FBXL17: variants seen among roughly 807,000 people sequenced by gnomAD.
The protein encoded by FBXL17 is F-box and leucine rich repeat protein 17, also known as F-box/LRR-repeat protein 17.
FBXL17 carries 22 observed loss-of-function variants against 66.2 expected under a neutral mutation model. The observed-to-expected ratio is 0.33, with a 90% CI of 0.24 to 0.47. FBXL17 has a LOEUF of 0.47. Ranked by LOEUF, FBXL17 falls within the 20% of genes least tolerant of loss-of-function variation. FBXL17 has a pLI of 1.00. For synonymous variants in FBXL17, 474 were observed against 400.5 expected (o/e 1.18, Z -2.19); for missense variants, 878 against 948.2 (o/e 0.93, Z 0.97).
chr5:108,040,566 AT>A (rs779170690), intron 6 of FBXL17, among the ~76,000 whole-genome samples: 14 of 152,164 alleles, frequency 9.2e-5, no homozygotes, highest in Non-Finnish European at 1.9e-4. Context: ...GACGATATAT[AT>A]TTTCCCTGAC....
intron 7 of FBXL17, among the ~76,000 whole-genome samples, chr5:107,912,713 A>T (rs1749992560): frequency 6.6e-6 from 1 of 152,158 alleles, no homozygotes; most frequent in Admixed American, 6.6e-5. Context: ...GAGGATTAGG[A>T]GGGAGACTGG....
chr5:108,193,672 G>A (rs770434073), intron 5 of FBXL17, among the ~76,000 whole-genome samples: 7 of 152,098 alleles, frequency 4.6e-5, no homozygotes, highest in Non-Finnish European at 7.4e-5. Flanking sequence ...CAGCATCTGA[G>A]GGTAGAACTG....
chr5:108,356,580 A>G (rs1472807532), intron 3 of FBXL17, among the ~76,000 whole-genome samples: 3 of 152,146 alleles, frequency 2.0e-5, no homozygotes, highest in Non-Finnish European at 4.4e-5. Context: ...AAGGGGTTAC[A>G]TACTATATGA....
chr5:108,171,110 C>G (rs1326080239), intron 6 of FBXL17, among the ~76,000 whole-genome samples: 1 of 152,126 alleles, frequency 6.6e-6, no homozygotes, highest in Non-Finnish European at 1.5e-5. Flanking sequence ...TGAAGAGGTG[C>G]CTTTTTCTCC....
At chr5:107,953,916 C>A (rs998637751) in intron 7 of FBXL17, among the ~76,000 whole-genome samples, 2 of 152,120 alleles carry the variant, frequency 1.3e-5, no homozygotes, top group Non-Finnish European at 2.9e-5. Context: ...TTGAATCCAC[C>A]AATTATTTTG....
chr5:108,273,543 A>G lies in FBXL17; in HGVS notation c.1507-49315T>C, dbSNP rs867500517. Among the ~76,000 whole-genome samples, 5 of 151,816 alleles carry G rather than the reference A, an allele frequency of 3.3e-5. No individual in the cohort carries two copies. The South Asian group carries it at 1.0e-3, about 31-fold the overall frequency. On this transcript the variant is annotated intron_variant, in intron 4 of 8. Coordinates refer to ENST00000542267, the MANE Select transcript of FBXL17 (RefSeq NM_001163315.3). Reference sequence around the variant, plus strand: ...TCAGTTACTATGCAGCTACCATAAAAATTCTTTTTATCAAAATTTGTACAA... The same window carrying G: ...TCAGTTACTATGCAGCTACCATAAAGATTCTTTTTATCAAAATTTGTACAA...
chr5:108,248,707 C>T (rs1338212039), intron 4 of FBXL17, among the ~76,000 whole-genome samples: 1 of 152,082 alleles, frequency 6.6e-6, no homozygotes, highest in Admixed American at 6.6e-5. Flanking sequence ...GCAGTAAGAT[C>T]TCTCTACAAC....
intron 5 of FBXL17, among the ~76,000 whole-genome samples, chr5:108,204,887 AC>A (rs1754050675): frequency 6.6e-6 from 1 of 151,962 alleles, no homozygotes; most frequent in Non-Finnish European, 1.5e-5. Context: ...ATGTCTTAAA[AC>A]CTAGCTCGAT....
At chr5:108,009,723 A>C (rs1754105131) in intron 7 of FBXL17, among the ~76,000 whole-genome samples, 2 of 152,142 alleles carry the variant, frequency 1.3e-5, no homozygotes, top group Admixed American at 6.5e-5. Flanking sequence ...AGTAAGTTTG[A>C]TTTACTTAAT....
At position 107,861,227 on chromosome 5, in the gene FBXL17, G is replaced by C. The variant is rs1299110539; in HGVS notation, c.*493C>G. ...GGCTTCTCTGTCAGGAAACGATCTA[G>C]AGTAGATCAGAGCCCTGGTGTAGAT... On this transcript the variant is annotated 3_prime_UTR_variant, in exon 9 of 9. Coordinates refer to ENST00000542267, the MANE Select transcript of FBXL17 (RefSeq NM_001163315.3). 1 of 152,214 alleles carries C rather than the reference G, an allele frequency of 6.6e-6. No individual in the cohort carries two copies. Among genetic ancestry groups the C allele is most frequent in the Non-Finnish European group, 1.5e-5 (1 of 68,080 alleles). The allele number at this position is 152,214 out of a possible 1,614,324, so 9.4% of individuals were successfully genotyped here. A position where few individuals can be genotyped will look rare whatever the true frequency, so the allele number is the denominator to read the frequency against.
At chr5:108,314,485 A>G (rs1759265815) in intron 4 of FBXL17, among the ~76,000 whole-genome samples, 1 of 151,684 alleles carries the variant, frequency 6.6e-6, no homozygotes, top group Admixed American at 6.6e-5. Flanking sequence ...TTTCATTCAT[A>G]TGGTTGCCAT....
intron 4 of FBXL17, among the ~76,000 whole-genome samples, chr5:108,285,122 T>C (rs1271134181): frequency 1.3e-5 from 2 of 151,924 alleles, no homozygotes; most frequent in African/African-American, 4.8e-5. Context: ...TGCATATCCA[T>C]AAGAAGTTTG....
At chr5:108,136,171 T>C (rs549581682) in intron 6 of FBXL17, among the ~76,000 whole-genome samples, 2 of 152,236 alleles carry the variant, frequency 1.3e-5, no homozygotes, top group South Asian at 4.1e-4. Context: ...GTCAAATCTT[T>C]TAGATTTGGA....
intron 4 of FBXL17, among the ~76,000 whole-genome samples, chr5:108,258,933 C>T (rs139583246): frequency 1.3e-5 from 2 of 151,908 alleles, no homozygotes; most frequent in East Asian, 1.9e-4. Context: ...TAAAGCTAGA[C>T]ATAATAAAAG....
chr5:107,954,912 T>A lies in FBXL17; in HGVS notation c.1822+66013A>T, dbSNP rs182507884. Among the ~76,000 whole-genome samples the A allele has an allele frequency of 3.1e-3, 477 of 152,296 alleles. 5 individuals carry two copies. Among genetic ancestry groups the A allele is most frequent in the Middle Eastern group, 0.017 (5 of 294 alleles). On this transcript the variant is annotated intron_variant, in intron 7 of 8. Coordinates refer to ENST00000542267, the MANE Select transcript of FBXL17 (RefSeq NM_001163315.3). The stretch of plus-strand genomic sequence containing the variant: ...AAAATTTCTATTTTGATATTAAACA[T>A]GCTCATAAAGCCAGAGATTTACTTC...
At chr5:107,862,637 T>C (rs930776944) in intron 8 of FBXL17, among the ~76,000 whole-genome samples, 11 of 152,238 alleles carry the variant, frequency 7.2e-5, no homozygotes, top group African/African-American at 2.4e-4. Flanking sequence ...ACCACAACTT[T>C]TAGGTAGCTT....
At chr5:108,206,118 C>A (rs1754107191) in intron 5 of FBXL17, among the ~76,000 whole-genome samples, 1 of 152,092 alleles carries the variant, frequency 6.6e-6, no homozygotes, top group Admixed American at 6.5e-5. Flanking sequence ...TGATGATGAT[C>A]ATTGCCTCGG....
In FBXL17 at chr5:107,980,248, A is replaced by G. The variant is rs545387704; in HGVS notation, c.1822+40677T>C. Among the ~76,000 whole-genome samples the G allele has an allele frequency of 2.7e-4, 41 of 152,254 alleles. 1 individual carries two copies. The highest frequency in any genetic ancestry group is 4.3e-4 in the Non-Finnish European group (29 of 68,012). ...AAAATCTTATTATGAACAAAATGAT[A>G]AAAGGACTTGATGAAGCTTGGCCTA... On this transcript the variant is annotated intron_variant, in intron 7 of 8. Transcript: ENST00000542267.
intron 6 of FBXL17, among the ~76,000 whole-genome samples, chr5:108,167,168 T>C (rs1278302009): frequency 1.3e-5 from 2 of 152,158 alleles, no homozygotes; most frequent in African/African-American, 4.8e-5. Flanking sequence ...TTTCTTCAGA[T>C]AATTGTGCAC....
Sources: allele counts gnomAD v4.1 joint callset (sites outside exome capture counted in the v4.1 genomes callset), GRCh38; gene constraint gnomAD v4.1.1; transcripts MANE v1.5; gene names NCBI Gene and HGNC (gene_info 2026-07-23, HGNC 2026-07-21).